The following CTXND1 variants were observed in gnomAD, a reference collection of about 807,000 sequenced individuals.
The protein encoded by CTXND1 is cortexin domain-containing 1 protein.
At position 80,201,057 on chromosome 15, in the gene CTXND1, T is replaced by C. The variant is rs1337719922; in HGVS notation, c.*713A>G. 3.9e-5 allele frequency: 6 copies of C among 152,302 alleles called. No homozygotes were observed. The highest frequency in any genetic ancestry group is 7.4e-5 in the Non-Finnish European group (5 of 68,020). 9.4% of individuals were successfully genotyped at this position (152,302 alleles called of 1,614,324 possible). A position where few individuals can be genotyped will look rare whatever the true frequency, so the allele number is the denominator to read the frequency against. ...CAAGTAAAAAGGCTGGAAGAAAATATATCAAAATGGTGGTTTCCGGGAGGT... is the reference window on the plus strand; with the variant it reads ...CAAGTAAAAAGGCTGGAAGAAAATACATCAAAATGGTGGTTTCCGGGAGGT... On this transcript the variant is annotated 3_prime_UTR_variant, in exon 3 of 3. Transcript: ENST00000560778.
At chr15:80,204,672 T>TATATATATATATATACAC (rs898718335) in intron 1 of CTXND1, among the ~76,000 whole-genome samples, 3 of 124,834 alleles carry the variant, frequency 2.4e-5, no homozygotes, top group African/African-American at 1.1e-4. Context: ...TATATATATA[T>TATATATATATATATACAC]ACCACATTTT....
intron 1 of CTXND1, among the ~76,000 whole-genome samples, chr15:80,244,753 C>T (rs1372328227): frequency 6.6e-6 from 1 of 152,204 alleles, no homozygotes; most frequent in Non-Finnish European, 1.5e-5. Flanking sequence ...TGCTGCTGGT[C>T]TGTGACCCTG....
chr15:80,206,828 GC>G, intron 1 of CTXND1, among the ~76,000 whole-genome samples: 1 of 151,998 alleles, frequency 6.6e-6, no homozygotes, highest in Admixed American at 6.6e-5. Context: ...TGTTGTTTTT[GC>G]CCTTATGTCT....
Position 80,228,397 on chromosome 15 carries a change from A to G in CTXND1, c.-218+23610T>C, listed in dbSNP as rs556703603. On this transcript the variant is annotated intron_variant, in intron 1 of 2. Coordinates refer to ENST00000560778, the MANE Select transcript of CTXND1 (RefSeq NM_001352888.2). ...GCCCAAATCCATCAGAGGAATCACAATCTATGGCAGCTAGAGCCTTACAAA... is the reference window on the plus strand; with the variant it reads ...GCCCAAATCCATCAGAGGAATCACAGTCTATGGCAGCTAGAGCCTTACAAA... Among the ~76,000 whole-genome samples the G allele has an allele frequency of 8.5e-5, 13 of 152,282 alleles. No individual in the cohort carries two copies. The South Asian group carries it at 2.7e-3, about 32-fold the overall frequency.
chr15:80,220,910 TTA>T (rs1491478983), intron 1 of CTXND1, among the ~76,000 whole-genome samples: 44 of 139,210 alleles, frequency 3.2e-4, no homozygotes, highest in Non-Finnish European at 6.0e-4. Flanking sequence ...ATTATTATTA[TTA>T]TTTTTTTTTT....
intron 1 of CTXND1, among the ~76,000 whole-genome samples, chr15:80,224,156 C>T (rs1367899618): frequency 1.3e-5 from 2 of 152,108 alleles, no homozygotes; most frequent in Non-Finnish European, 2.9e-5. Flanking sequence ...CAGTTCCAGC[C>T]CCAGCTGTGT....
At chr15:80,243,276 C>G (rs1043193674) in intron 1 of CTXND1, among the ~76,000 whole-genome samples, 3 of 152,196 alleles carry the variant, frequency 2.0e-5, no homozygotes, top group African/African-American at 7.2e-5. Flanking sequence ...TTATACCTAC[C>G]AAGCCTGGGG....
rs1480549903 is a variant in CTXND1, at chr15:80,246,209, C to T, written c.-218+5798G>A. Among the ~76,000 whole-genome samples, 5 of 152,284 alleles carry T rather than the reference C, an allele frequency of 3.3e-5. No homozygotes were observed. In the South Asian group the frequency reaches 1.0e-3, roughly 32 times the overall value. ...GCTGTTAAGCTACTAAAATCTTTGT[C>T]TTCCAAAGAAGCAAATTTTCTGTAA... On this transcript the variant is annotated intron_variant, in intron 1 of 2. Transcript: ENST00000560778.
intron 1 of CTXND1, among the ~76,000 whole-genome samples, chr15:80,245,121 C>CA (rs1893613919): frequency 6.6e-6 from 1 of 152,152 alleles, no homozygotes; most frequent in African/African-American, 2.4e-5. Context: ...GACAGTATTA[C>CA]ACAGAGGGAT....
intron 1 of CTXND1, among the ~76,000 whole-genome samples, chr15:80,250,363 T>C (rs773486627): frequency 9.2e-5 from 14 of 152,248 alleles, no homozygotes; most frequent in Non-Finnish European, 1.8e-4. Flanking sequence ...TTAAAGTTCA[T>C]ATTATTTTTT....
chr15:80,218,337 G>T (rs1368172595), intron 1 of CTXND1, among the ~76,000 whole-genome samples: 1 of 151,972 alleles, frequency 6.6e-6, no homozygotes, highest in African/African-American at 2.4e-5. Context: ...GTGGAGTCTC[G>T]CTATGTTGCC....
At position 80,201,104 on chromosome 15, in the gene CTXND1, T is replaced by TC. The variant is rs1215544493; in HGVS notation, c.*665dup. 5.9e-5 allele frequency: 9 copies of TC among 152,288 alleles called. No homozygotes were observed. In the East Asian group the frequency reaches 1.7e-3, roughly 29 times the overall value. The allele number at this position is 152,288 out of a possible 1,614,324, so 9.4% of individuals were successfully genotyped here. ...AGGTGGGATTATAAGTGTTATTTCC[T>TC]CCCCCTTTCTTTCTATTTATCTGCA... On this transcript the variant is annotated 3_prime_UTR_variant, in exon 3 of 3. Coordinates refer to ENST00000560778, the MANE Select transcript of CTXND1 (RefSeq NM_001352888.2).
intron 1 of CTXND1, among the ~76,000 whole-genome samples, chr15:80,236,617 T>C (rs1893499370): frequency 6.6e-6 from 1 of 152,112 alleles, no homozygotes; most frequent in South Asian, 2.1e-4. Flanking sequence ...ACGCCATCTC[T>C]ACTAAACATA....
rs1196967879 is a variant in CTXND1 at position 80,195,711 on chromosome 15, T to G, written c.*6059A>C. 1 of 152,182 alleles carries G rather than the reference T, an allele frequency of 6.6e-6. No homozygotes were observed. Among genetic ancestry groups the G allele is most frequent in the Non-Finnish European group, 1.5e-5 (1 of 68,038 alleles). The allele number at this position is 152,182 out of a possible 1,614,324, so 9.4% of individuals were successfully genotyped here. On this transcript the variant is annotated 3_prime_UTR_variant, in exon 3 of 3. Coordinates refer to ENST00000560778, the MANE Select transcript of CTXND1 (RefSeq NM_001352888.2). The stretch of plus-strand genomic sequence containing the variant: ...GCCCTCATGGCCTAATCACCTCTCA[T>G]TGGGCCCCAGATCTCAACACTGTTG...
At chr15:80,230,447 C>CTTTCTCATTTGCTTCATCAGT (rs1203672968) in intron 1 of CTXND1, among the ~76,000 whole-genome samples, 4 of 152,152 alleles carry the variant, frequency 2.6e-5, no homozygotes, top group Admixed American at 2.6e-4. Flanking sequence ...TGGTAATATT[C>CTTTCTCATTTGCTTCATCAGT]TTTCTCATTT....
chr15:80,230,896 A>G (rs1893420840), intron 1 of CTXND1, among the ~76,000 whole-genome samples: 1 of 152,020 alleles, frequency 6.6e-6, no homozygotes, highest in Non-Finnish European at 1.5e-5. Flanking sequence ...CATCTCTACT[A>G]AAAATACAAA....
At chr15:80,222,702 T>A (rs1423977421) in intron 1 of CTXND1, among the ~76,000 whole-genome samples, 1 of 152,158 alleles carries the variant, frequency 6.6e-6, no homozygotes, top group Non-Finnish European at 1.5e-5. Context: ...TTCTTACAGT[T>A]TTGCCTTATC....
At chr15:80,241,974 T>A (rs1009524954) in intron 1 of CTXND1, among the ~76,000 whole-genome samples, 1 of 152,220 alleles carries the variant, frequency 6.6e-6, no homozygotes, top group South Asian at 2.1e-4. Flanking sequence ...TTCACTCCAA[T>A]AACATCCTTG....
rs898240693 is a variant in CTXND1, at chr15:80,198,658, C to G, written c.*3112G>C. 6.6e-6 allele frequency: 1 copy of G among 152,216 alleles called. No individual in the cohort carries two copies. The highest frequency in any genetic ancestry group is 1.5e-5 in the Non-Finnish European group (1 of 68,050). 9.4% of individuals were successfully genotyped at this position (152,216 alleles called of 1,614,324 possible). ...AGTTCTTAGACAGGTCTCCCTCCCCCATGTGCTCCATGTGTCTCTTAAATG... is the reference window on the plus strand; with the variant it reads ...AGTTCTTAGACAGGTCTCCCTCCCCGATGTGCTCCATGTGTCTCTTAAATG... On this transcript the variant is annotated 3_prime_UTR_variant, in exon 3 of 3. Coordinates refer to ENST00000560778, the MANE Select transcript of CTXND1 (RefSeq NM_001352888.2).
Sources: gnomAD v4.1 joint callset for allele counts (sites outside exome capture counted in the v4.1 genomes callset) on GRCh38, gnomAD v4.1.1 for gene constraint, MANE v1.5 for transcripts, NCBI Gene and HGNC (gene_info 2026-07-23, HGNC 2026-07-21) for gene names.